MGAT4C: variants seen among roughly 807,000 people sequenced by gnomAD.
MGAT4C encodes the protein alpha-1,3-mannosyl-glycoprotein 4-beta-N-acetylglucosaminyltransferase C.
In MGAT4C, 19 loss-of-function variants were observed where a neutral mutation model predicts 40.1. The ratio of observed to expected loss-of-function variants is 0.47; its 90% CI spans 0.33 to 0.70. The LOEUF (loss-of-function observed/expected upper bound fraction) is 0.70, where lower values mean the gene tolerates loss of function less well. Ranked by LOEUF, MGAT4C falls within the 30% of genes least tolerant of loss-of-function variation. The pLI is 0.02. For synonymous variants in MGAT4C, 181 were observed against 187.1 expected (o/e 0.97, Z 0.27); for missense variants, 491 against 563.2 (o/e 0.87, Z 1.30).
intron 4 of MGAT4C, among the ~76,000 whole-genome samples, chr12:86,280,916 G>A (rs976862975): frequency 6.6e-6 from 1 of 151,782 alleles, no homozygotes; most frequent in East Asian, 1.9e-4. Context: ...AATATAGTTG[G>A]TTCCCTCTTT....
intron 1 of MGAT4C, among the ~76,000 whole-genome samples, chr12:86,743,066 G>A (rs1443982206): frequency 2.0e-5 from 3 of 148,400 alleles, no homozygotes; most frequent in African/African-American, 7.4e-5. Flanking sequence ...ATGTGTATGT[G>A]TGTATGCATG....
At chr12:86,191,131 A>ACACACACC in intron 1 of MGAT4C, among the ~76,000 whole-genome samples, 1 of 115,068 alleles carries the variant, frequency 8.7e-6, no homozygotes, top group African/African-American at 3.5e-5. Context: ...ACACACACAC[A>ACACACACC]CACCCCTATA....
In MGAT4C at chr12:85,973,220, A is replaced by G. The variant is rs1399063731; in HGVS notation, c.*6069T>C. 1 of 150,848 alleles carries G rather than the reference A, an allele frequency of 6.6e-6. No homozygotes were observed. Among genetic ancestry groups the G allele is most frequent in the Non-Finnish European group, 1.5e-5 (1 of 67,054 alleles). 9.3% of individuals were successfully genotyped at this position (150,848 alleles called of 1,614,324 possible). ...ATCCTACGTCTCTTCCAGAACTTCG[A>G]GTGCACTATAAATTAAATATTTAAA... On this transcript the variant is annotated 3_prime_UTR_variant, in exon 5 of 5. Coordinates refer to ENST00000611864, the MANE Select transcript of MGAT4C (RefSeq NM_001351288.2).
chr12:86,745,150 G>A (rs917250940), intron 1 of MGAT4C: 4 of 151,538 alleles, frequency 2.6e-5, no homozygotes, highest in Non-Finnish European at 4.4e-5. Flanking sequence ...TGTACCACCT[G>A]TGTTACACCT....
chr12:86,021,510 T>C (rs1365661401), intron 2 of MGAT4C, among the ~76,000 whole-genome samples: 1 of 146,366 alleles, frequency 6.8e-6, no homozygotes, highest in Non-Finnish European at 1.5e-5. Flanking sequence ...ACACCGCATG[T>C]TCTTACTCAT....
chr12:86,403,024 A>T (rs547577306), intron 3 of MGAT4C, among the ~76,000 whole-genome samples: 42 of 152,336 alleles, frequency 2.8e-4, no homozygotes, highest in African/African-American at 1.0e-3. Flanking sequence ...AAGCTCTGAC[A>T]TGTTAAATAA....
chr12:86,515,738 C>CT (rs940550644), intron 2 of MGAT4C, among the ~76,000 whole-genome samples: 9,480 of 133,426 alleles, frequency 0.071, 403 homozygotes, highest in East Asian at 0.11. Context: ...TAAAGCAATT[C>CT]TTTTTTTTTT....
At chr12:86,150,570 G>A (rs181271270) in intron 1 of MGAT4C, among the ~76,000 whole-genome samples, 5 of 152,248 alleles carry the variant, frequency 3.3e-5, no homozygotes, top group Admixed American at 6.5e-5. Flanking sequence ...CAGATTCCAA[G>A]TTCTATTAAG....
At chr12:86,233,549 G>T (rs562123696) in intron 1 of MGAT4C, among the ~76,000 whole-genome samples, 49 of 152,226 alleles carry the variant, frequency 3.2e-4, no homozygotes, top group Non-Finnish European at 6.0e-4. Flanking sequence ...TTGATATTTT[G>T]TTGGTGAATT....
chr12:86,565,137 A>G (rs1359335797), intron 2 of MGAT4C, among the ~76,000 whole-genome samples: 1 of 152,170 alleles, frequency 6.6e-6, no homozygotes, highest in Non-Finnish European at 1.5e-5. Flanking sequence ...TGAACTGCCT[A>G]TCATTAAGTG....
At chr12:86,655,811 A>G (rs1018887354) in intron 2 of MGAT4C, among the ~76,000 whole-genome samples, 2 of 152,134 alleles carry the variant, frequency 1.3e-5, no homozygotes, top group African/African-American at 4.8e-5. Flanking sequence ...ACAGTGGAGT[A>G]AAATAAGTGT....
intron 2 of MGAT4C, among the ~76,000 whole-genome samples, chr12:86,632,704 C>T (rs897888481): frequency 3.1e-5 from 4 of 131,074 alleles, no homozygotes; most frequent in African/African-American, 1.2e-4. Flanking sequence ...GGGAACTGAA[C>T]AATGAGAACA....
At chr12:86,808,067 C>A (rs1049044525) in intron 1 of MGAT4C, among the ~76,000 whole-genome samples, 1 of 151,944 alleles carries the variant, frequency 6.6e-6, no homozygotes, top group Non-Finnish European at 1.5e-5. Context: ...TACACCCTCC[C>A]AAGGCTGAAC....
At chr12:86,029,380 T>C (rs1592724840) in intron 2 of MGAT4C, among the ~76,000 whole-genome samples, 1 of 151,952 alleles carries the variant, frequency 6.6e-6, no homozygotes, top group East Asian at 1.9e-4. Flanking sequence ...CTGACCTTAC[T>C]ATGCTTTTTA....
intron 2 of MGAT4C, among the ~76,000 whole-genome samples, chr12:86,022,020 GTTGT>G (rs902447061): frequency 2.0e-5 from 3 of 152,094 alleles, no homozygotes; most frequent in African/African-American, 7.2e-5. Context: ...CTGTTTAAGT[GTTGT>G]TTTTCTTAAG....
At chr12:86,176,115 G>A (rs1242283838) in intron 1 of MGAT4C, among the ~76,000 whole-genome samples, 1 of 152,190 alleles carries the variant, frequency 6.6e-6, no homozygotes, top group Non-Finnish European at 1.5e-5. Context: ...CAAACTTTGA[G>A]AATCATTGCT....
intron 3 of MGAT4C, among the ~76,000 whole-genome samples, chr12:86,355,562 A>T (rs1038206808): frequency 1.3e-5 from 2 of 152,216 alleles, no homozygotes; most frequent in African/African-American, 2.4e-5. Context: ...AGGCAAGTGG[A>T]GAAAAGTAAC....
intron 2 of MGAT4C, among the ~76,000 whole-genome samples, chr12:86,687,661 T>C (rs995555007): frequency 1.3e-5 from 2 of 152,220 alleles, no homozygotes; most frequent in African/African-American, 4.8e-5. Context: ...GTGAGTTTCT[T>C]AATACTGAGT....
intron 1 of MGAT4C, among the ~76,000 whole-genome samples, chr12:86,813,293 T>A (rs1952511304): frequency 6.6e-6 from 1 of 150,710 alleles, no homozygotes; most frequent in African/African-American, 2.4e-5. Flanking sequence ...ACATTTCAAG[T>A]CTTGTTCAAG....
Sources: allele counts gnomAD v4.1 joint callset (sites outside exome capture counted in the v4.1 genomes callset), GRCh38; gene constraint gnomAD v4.1.1; transcripts MANE v1.5; gene names NCBI Gene and HGNC (gene_info 2026-07-23, HGNC 2026-07-21).